Variants in KIRREL3 observed in about 807,000 individuals in gnomAD.
KIRREL3 encodes the protein kin of IRRE-like protein 3.
A neutral mutation model predicts 89.7 loss-of-function variants in KIRREL3; 36 were observed. The observed-to-expected ratio is 0.40, with a 90% confidence interval of 0.31 to 0.53. KIRREL3 has a LOEUF of 0.53. KIRREL3 is among the 20% of genes least tolerant of loss of function. The pLI is 0.49. For missense variants in KIRREL3, 864 were observed against 1,056.6 expected (o/e 0.82, Z 2.53); for synonymous variants, 445 against 441.4 (o/e 1.01, Z -0.10).
At chr11:126,849,837 C>T (rs1343091865) in intron 1 of KIRREL3, among the ~76,000 whole-genome samples, 2 of 152,182 alleles carry the variant, frequency 1.3e-5, no homozygotes, top group East Asian at 3.9e-4. Flanking sequence ...GACGCACGTT[C>T]ACCATGGCAC....
intron 1 of KIRREL3, among the ~76,000 whole-genome samples, chr11:126,854,711 T>C (rs1944453441): frequency 6.6e-6 from 1 of 152,258 alleles, no homozygotes; most frequent in Non-Finnish European, 1.5e-5. Flanking sequence ...TTTCAATCTC[T>C]GTTTTCAATT....
In KIRREL3 at chr11:126,447,896, G is replaced by A. The variant is rs991383239; in HGVS notation, c.998-1010C>T. Reference sequence around the variant, plus strand: ...AAGCAAGTTTAAAACTGTAAGGGGCGGTGCATGAGCTAAGGATGCTTGTTT... The same window carrying A: ...AAGCAAGTTTAAAACTGTAAGGGGCAGTGCATGAGCTAAGGATGCTTGTTT... On this transcript the variant is annotated intron_variant, in intron 8 of 16. Coordinates refer to ENST00000525144, the MANE Select transcript of KIRREL3 (RefSeq NM_032531.4). Among the ~76,000 whole-genome samples, 5 of 152,200 alleles carry A rather than the reference G, an allele frequency of 3.3e-5. No homozygotes were observed. In the East Asian group the frequency reaches 5.8e-4, roughly 18 times the overall value.
At position 126,526,229 on chromosome 11, in the gene KIRREL3, T is replaced by A. The variant is rs1200743995; in HGVS notation, c.283+309A>T. Among the ~76,000 whole-genome samples the A allele has an allele frequency of 6.6e-6, 1 of 152,202 alleles. No individual in the cohort carries two copies. The highest frequency in any genetic ancestry group is 1.5e-5 in the Non-Finnish European group (1 of 68,030). ...CCAAGACACAGGAACACTTGATTTC[T>A]GGAAACTGGAATTTACATGAATCAT... On this transcript the variant is annotated intron_variant, in intron 3 of 16. Coordinates refer to ENST00000525144, the MANE Select transcript of KIRREL3 (RefSeq NM_032531.4). The surrounding 1 kb of genome is among the most constrained non-coding windows in gnomAD (Gnocchi z 5.7).
intron 1 of KIRREL3, among the ~76,000 whole-genome samples, chr11:126,799,090 A>G (rs1254472471): frequency 1.1e-4 from 16 of 143,954 alleles, no homozygotes; most frequent in African/African-American, 2.9e-4. Context: ...GTGTGCATGC[A>G]TGTATCTGTG....
chr11:126,471,353 A>G lies in KIRREL3; in HGVS notation c.591+1956T>C, dbSNP rs1956886421. On this transcript the variant is annotated intron_variant, in intron 5 of 16. Transcript: ENST00000525144. This position sits in a 1 kb window ranked among gnomAD's most constrained non-coding sequence, Gnocchi z 5.4. The stretch of plus-strand genomic sequence containing the variant: ...CCATTGCACTCCAGTCTGGGCAACA[A>G]GAGTGAAACTCTGTCTCAAAATAAA... Among the ~76,000 whole-genome samples the G allele has an allele frequency of 6.6e-6, 1 of 151,596 alleles. No homozygotes were observed. The highest frequency in any genetic ancestry group is 6.6e-5 in the Admixed American group (1 of 15,166).
chr11:126,959,041 T>C (rs1949005198), intron 1 of KIRREL3, among the ~76,000 whole-genome samples: 1 of 151,418 alleles, frequency 6.6e-6, no homozygotes, highest in Middle Eastern at 3.4e-3. Flanking sequence ...GACTGACTTC[T>C]CTCTCTCTCT....
chr11:126,790,910 A>G (rs561565193), intron 1 of KIRREL3, among the ~76,000 whole-genome samples: 5 of 152,326 alleles, frequency 3.3e-5, no homozygotes, highest in Non-Finnish European at 7.3e-5. Flanking sequence ...ACCGTCATAA[A>G]CAAGAACAAT....
intron 1 of KIRREL3, among the ~76,000 whole-genome samples, chr11:126,767,764 T>C (rs1184385541): frequency 6.6e-6 from 1 of 152,160 alleles, no homozygotes; most frequent in Non-Finnish European, 1.5e-5. Flanking sequence ...AGGGGAAACT[T>C]GCCATAAGAA....
chr11:126,440,174 C>G (rs986286491), intron 11 of KIRREL3: 1 of 665,490 alleles, frequency 1.5e-6, no homozygotes, highest in South Asian at 1.5e-5. Context: ...TCGTGTGCCC[C>G]TCTGCCCTTA....
In KIRREL3 at chr11:126,814,395, G is replaced by C. The variant is rs919095574; in HGVS notation, c.55+186060C>G. ...AGACCTACAGTCAGAAACACCATTT[G>C]ACCCAGCAATCCCATTACTGGATAT... On this transcript the variant is annotated intron_variant, in intron 1 of 16. Transcript: ENST00000525144. The surrounding 1 kb of genome is among the most constrained non-coding windows in gnomAD (Gnocchi z 4.4). Among the ~76,000 whole-genome samples, 1 of 152,080 alleles carries C rather than the reference G, an allele frequency of 6.6e-6. No homozygotes were observed. Among genetic ancestry groups the C allele is most frequent in the African/African-American group, 2.4e-5 (1 of 41,404 alleles).
rs10128646 is a variant in KIRREL3 at position 126,501,997 on chromosome 11, A to G, written c.433+19318T>C. Among the ~76,000 whole-genome samples, 41,119 of 152,144 alleles carry G rather than the reference A, an allele frequency of 0.27. 7,266 individuals carry two copies. Among genetic ancestry groups the G allele is most frequent in the African/African-American group, 0.5 (20,776 of 41,494 alleles). On this transcript the variant is annotated intron_variant, in intron 4 of 16. Transcript: ENST00000525144. The surrounding 1 kb of genome is among the most constrained non-coding windows in gnomAD (Gnocchi z 5.8). ...TTTGCAAGCAGGCAAACAGGCATAAACTGACCAGGTCTTTGTAAGAGAAGC... is the reference window on the plus strand; with the variant it reads ...TTTGCAAGCAGGCAAACAGGCATAAGCTGACCAGGTCTTTGTAAGAGAAGC...
chr11:126,554,207 C>T (rs1263684870), intron 2 of KIRREL3, among the ~76,000 whole-genome samples: 1 of 152,200 alleles, frequency 6.6e-6, no homozygotes, highest in Non-Finnish European at 1.5e-5. Context: ...TCTGACATCA[C>T]CGAAGACAGG....
intron 1 of KIRREL3, among the ~76,000 whole-genome samples, chr11:126,658,922 C>A (rs949905997): frequency 6.6e-6 from 1 of 152,324 alleles, no homozygotes; most frequent in African/African-American, 2.4e-5. Flanking sequence ...GGGAAGTTGT[C>A]CAAAGTGACA....
chr11:126,584,774 C>T (rs1941737083), intron 1 of KIRREL3, among the ~76,000 whole-genome samples: 1 of 152,198 alleles, frequency 6.6e-6, no homozygotes, highest in Non-Finnish European at 1.5e-5. Context: ...GCCACTACCA[C>T]ACATGGGTCA....
Position 126,905,372 on chromosome 11 carries a change from T to G in KIRREL3, c.55+95083A>C, listed in dbSNP as rs113741211. The stretch of plus-strand genomic sequence containing the variant: ...ACCTTCAACTGCCTTCTTTTCTCAT[T>G]TACACAACGCTATCCTGGGGTAAAG... On this transcript the variant is annotated intron_variant, in intron 1 of 16. Transcript: ENST00000525144. This position sits in a 1 kb window ranked among gnomAD's most constrained non-coding sequence, Gnocchi z 5.0. 1.2e-4 allele frequency among the ~76,000 whole-genome samples: 19 copies of G among 152,228 alleles called. No homozygotes were observed. The highest frequency in any genetic ancestry group is 4.6e-4 in the African/African-American group (19 of 41,548).
At chr11:126,894,542 CAA>C (rs10630231) in intron 1 of KIRREL3, among the ~76,000 whole-genome samples, 41 of 17,478 alleles carry the variant, frequency 2.3e-3, no homozygotes, top group African/African-American at 9.8e-3. Flanking sequence ...GACCTCATCT[CAA>C]AAAAAAAAAA....
At chr11:126,835,107 A>C (rs1249071334) in intron 1 of KIRREL3, among the ~76,000 whole-genome samples, 2 of 152,194 alleles carry the variant, frequency 1.3e-5, no homozygotes, top group Non-Finnish European at 2.9e-5. Context: ...ATCCTCAGTG[A>C]GTTGAATTCT....
rs756798726 is a variant in KIRREL3 at position 126,782,735 on chromosome 11, T to C, written c.55+217720A>G. Among the ~76,000 whole-genome samples the C allele has an allele frequency of 8.5e-5, 13 of 152,206 alleles. No individual in the cohort carries two copies. The highest frequency in any genetic ancestry group is 1.8e-4 in the Non-Finnish European group (12 of 68,036). ...TGTTGGAGACATCAGTATGAACTTA[T>C]ATTTAGCTTAATATAGATATAGATG... is the stretch of plus-strand genomic sequence containing the variant. On this transcript the variant is annotated intron_variant, in intron 1 of 16. Coordinates refer to ENST00000525144, the MANE Select transcript of KIRREL3 (RefSeq NM_032531.4). This position sits in a 1 kb window ranked among gnomAD's most constrained non-coding sequence, Gnocchi z 4.1.
At chr11:126,745,129 C>T (rs574031872) in intron 1 of KIRREL3, among the ~76,000 whole-genome samples, 14 of 152,156 alleles carry the variant, frequency 9.2e-5, no homozygotes, top group Non-Finnish European at 2.1e-4. Flanking sequence ...GGACCTCCTT[C>T]CAAATCCATC....
Sources: gnomAD v4.1 joint callset for allele counts (sites outside exome capture counted in the v4.1 genomes callset) on GRCh38, gnomAD v4.1.1 for gene constraint, Gnocchi (gnomAD v3.1) non-coding constraint, MANE v1.5 for transcripts, NCBI Gene and HGNC (gene_info 2026-07-23, HGNC 2026-07-21) for gene names.